ADGRG2: variants seen among roughly 807,000 people sequenced by gnomAD.
ADGRG2 encodes the protein adhesion G protein-coupled receptor G2.
Under a neutral mutation model 74.1 loss-of-function variants are expected in ADGRG2, and 26 were observed. The ratio of observed to expected loss-of-function variants is 0.35; its 90% CI spans 0.26 to 0.49. ADGRG2 has a LOEUF of 0.49. Among genes scored for constraint, ADGRG2 ranks in the 20% least tolerant of loss-of-function variants. The pLI is 0.99. For missense variants in ADGRG2, 619 were observed against 763.1 expected (o/e 0.81, Z 2.22); for synonymous variants, 296 against 295.2 (o/e 1.00, Z -0.03).
At chrX:19,109,656 A>C (rs2062377960) in intron 1 of ADGRG2, among the ~76,000 whole-genome samples, 1 of 112,012 alleles carries the variant, frequency 8.9e-6, no homozygotes, top group African/African-American at 3.2e-5. Context: ...TAACAAAGGC[A>C]GAGAAGAATG....
intron 3 of ADGRG2, among the ~76,000 whole-genome samples, chrX:19,059,515 C>T (rs990170758): frequency 5.4e-5 from 6 of 111,250 alleles, no homozygotes; most frequent in Non-Finnish European, 9.4e-5. Flanking sequence ...CTTCGTCAAC[C>T]GCAAAGACCT....
chrX:18,991,497 T>A (rs896915137), intron 28 of ADGRG2, among the ~76,000 whole-genome samples: 6 of 112,456 alleles, frequency 5.3e-5, no homozygotes, highest in African/African-American at 1.9e-4. Flanking sequence ...TAGGTTCCTA[T>A]AAAATGAAAC....
intron 3 of ADGRG2, among the ~76,000 whole-genome samples, chrX:19,049,673 C>T (rs6629311): frequency 0.52 from 56,054 of 107,248 alleles, 11,929 homozygotes; most frequent in Non-Finnish European, 0.66. Context: ...GTGTATTTTA[C>T]GTGTGGCCCA....
At chrX:19,031,279 T>A in intron 8 of ADGRG2, 2 of 359,404 alleles carry the variant, frequency 5.6e-6, no homozygotes, top group Non-Finnish European at 9.7e-6. Context: ...GATCCTTAAC[T>A]CCTCCCTAAA....
intron 2 of ADGRG2, among the ~76,000 whole-genome samples, chrX:19,075,000 C>T: frequency 9.0e-6 from 1 of 110,751 alleles, no homozygotes. Context: ...TGGGTATGGG[C>T]CTAATGAGGC....
chrX:19,017,265 T>C (rs887568274), intron 15 of ADGRG2, among the ~76,000 whole-genome samples: 1 of 112,042 alleles, frequency 8.9e-6, no homozygotes, highest in South Asian at 3.7e-4. Context: ...CACGGTGATA[T>C]TTGAGAAGTG....
intron 2 of ADGRG2, among the ~76,000 whole-genome samples, chrX:19,070,464 T>C (rs2061636556): frequency 9.0e-6 from 1 of 111,478 alleles, no homozygotes; most frequent in Non-Finnish European, 1.9e-5. Flanking sequence ...GCTAAGACTG[T>C]GTCTGATCCT....
Position 19,009,708 on chromosome X carries a change from G to A in ADGRG2, c.1340C>T (p.Ser447Phe). The change falls in exon 18 of 29, where the codon TCT (serine) becomes TTT (phenylalanine). Residue 447 changes from serine (S) to phenylalanine (F), a missense_variant. This residue lies in a region of ADGRG2 where 221 missense variants were observed against 340.6 expected (regional missense o/e 0.65). Transcript: ENST00000379869. ...SNTTISLTSP[S>F]LALAVIRVNA... ...CACTCTGATCACAGCCAGAGCCAAA[G>A]AAGGGGAGGTTAGACTTATAGTCGT... The A allele has an allele frequency of 8.3e-7, 1 of 1,203,803 alleles. No individual in the cohort carries two copies. The highest frequency in any genetic ancestry group is 3.0e-5 in the East Asian group (1 of 33,840).
chrX:18,994,393 G>A (rs113928800), intron 28 of ADGRG2, among the ~76,000 whole-genome samples: 1,558 of 110,298 alleles, frequency 0.014, 27 homozygotes, highest in African/African-American at 0.048. Flanking sequence ...CCAGCTACTC[G>A]GGAGGCTGAG....
At chrX:19,105,744 A>T (rs989051474) in intron 1 of ADGRG2, among the ~76,000 whole-genome samples, 9 of 109,215 alleles carry the variant, frequency 8.2e-5, no homozygotes, top group Non-Finnish European at 1.5e-4. Context: ...AAATTTTTTT[A>T]AATACAAAAA....
At chrX:19,075,636 A>AAAAG (rs1340497830) in intron 2 of ADGRG2, among the ~76,000 whole-genome samples, 33 of 107,187 alleles carry the variant, frequency 3.1e-4, no homozygotes, top group African/African-American at 8.0e-4. Flanking sequence ...AAAAAAAAAA[A>AAAAG]AAAGAAAGAA....
intron 3 of ADGRG2, among the ~76,000 whole-genome samples, chrX:19,046,376 G>A (rs1428719289): frequency 8.9e-6 from 1 of 111,884 alleles, no homozygotes; most frequent in African/African-American, 3.3e-5. Context: ...CATTGACTAC[G>A]CCCTTCTTTC....
chrX:19,097,905 G>A (rs1448214433), intron 1 of ADGRG2, among the ~76,000 whole-genome samples: 1 of 112,904 alleles, frequency 8.9e-6, no homozygotes, highest in Non-Finnish European at 1.9e-5. Flanking sequence ...AAATAAAAAC[G>A]CAAATGGATC....
chrX:19,071,187 G>T (rs2061648513), intron 2 of ADGRG2, among the ~76,000 whole-genome samples: 1 of 111,783 alleles, frequency 8.9e-6, no homozygotes, highest in Non-Finnish European at 1.9e-5. Context: ...TCCTTGACCT[G>T]ACATGATGAT....
At chrX:18,999,304 CAG>C (rs761842072) in intron 25 of ADGRG2, 25 bp from the exon 26 acceptor site, 56 of 1,121,555 alleles carry the variant, frequency 5.0e-5, no homozygotes, top group South Asian at 4.4e-4. Context: ...GGGGGGGAAA[CAG>C]GGGAAAACAT....
At chrX:19,083,676 G>A (rs2061891444) in intron 1 of ADGRG2, among the ~76,000 whole-genome samples, 2 of 111,943 alleles carry the variant, frequency 1.8e-5, no homozygotes, top group South Asian at 7.5e-4. Flanking sequence ...AAAGAATGGG[G>A]TATCCACCCA....
intron 7 of ADGRG2, 56 bp from the exon 8 acceptor site, chrX:19,033,710 A>C (rs1003780578): frequency 5.5e-6 from 3 of 548,783 alleles, no homozygotes; most frequent in Admixed American, 3.1e-5. Context: ...TTTTAAAAAC[A>C]ATTTGCCATG....
chrX:19,104,345 G>C (rs182862951), intron 1 of ADGRG2, among the ~76,000 whole-genome samples: 44 of 111,008 alleles, frequency 4.0e-4, no homozygotes, highest in African/African-American at 1.3e-3. Flanking sequence ...AGGTCAAAAA[G>C]ACCTGAACTA....
At chrX:19,061,677 G>A (rs2061491524) in intron 3 of ADGRG2, among the ~76,000 whole-genome samples, 1 of 112,274 alleles carries the variant, frequency 8.9e-6, no homozygotes, top group African/African-American at 3.2e-5. Flanking sequence ...AGATCCTTAA[G>A]TCTGATGATT....
Sources: gnomAD v4.1 joint callset for allele counts (sites outside exome capture counted in the v4.1 genomes callset) on GRCh38, gnomAD v4.1.1 for gene constraint, gnomAD v4.1.1 regional missense constraint, MANE v1.5 for transcripts, NCBI Gene and HGNC (gene_info 2026-07-23, HGNC 2026-07-21) for gene names.